DOCK9: variants seen among roughly 807,000 people sequenced by gnomAD.
The protein encoded by DOCK9 is dedicator of cytokinesis protein 9.
A neutral mutation model predicts 263.3 loss-of-function variants in DOCK9; 89 were observed. The ratio of observed to expected loss-of-function variants is 0.34; its 90% confidence interval spans 0.28 to 0.40. The LOEUF (loss-of-function observed/expected upper bound fraction) is 0.40, where lower values mean the gene tolerates loss of function less well. Among genes scored for constraint, DOCK9 ranks in the 10% least tolerant of loss-of-function variants. The pLI, the probability that DOCK9 is intolerant of heterozygous loss-of-function variation, is 1.00. For missense variants in DOCK9, 2,140 were observed against 2,603.4 expected, an observed-to-expected ratio of 0.82 and a Z score of 3.87; for synonymous variants, 976 against 973.1, an observed-to-expected ratio of 1.00 and a Z score of -0.06.
chr13:99,045,755 C>T (rs1400580613), intron 1 of DOCK9, among the ~76,000 whole-genome samples: 2 of 151,774 alleles, frequency 1.3e-5, no homozygotes, highest in Non-Finnish European at 2.9e-5. Flanking sequence ...AAAGAGATGC[C>T]TCACCAGCTT....
chr13:98,898,833 A>G (rs2047823348), intron 13 of DOCK9, among the ~76,000 whole-genome samples: 1 of 152,148 alleles, frequency 6.6e-6, no homozygotes, highest in Admixed American at 6.5e-5. Context: ...CTAATGATCA[A>G]TTTTGGTTTG....
At chr13:99,079,964 CG>C (rs2042063280) in intron 1 of DOCK9, among the ~76,000 whole-genome samples, 1 of 152,092 alleles carries the variant, frequency 6.6e-6, no homozygotes, top group Non-Finnish European at 1.5e-5. Context: ...CACTTGAGCC[CG>C]GAAGGCAGAG....
chr13:99,059,852 C>T (rs183576454), intron 1 of DOCK9, among the ~76,000 whole-genome samples: 129 of 152,290 alleles, frequency 8.5e-4, no homozygotes, highest in South Asian at 1.2e-3. Context: ...CACTCATCTA[C>T]TTTCTGTCTC....
chr13:98,923,154 A>G (rs959379373), intron 5 of DOCK9, 148 bp downstream of exon 5: 3 of 696,006 alleles, frequency 4.3e-6, no homozygotes, highest in African/African-American at 3.6e-5. Flanking sequence ...AATCAATAAC[A>G]TTTTTAAAAA....
At chr13:98,978,954 T>G (rs1185054500), upstream of DOCK9, among the ~76,000 whole-genome samples, 1 of 152,144 alleles carries the variant, frequency 6.6e-6, no homozygotes, top group African/African-American at 2.4e-5. Flanking sequence ...TTTTACCTCT[T>G]GGGAAAAATT....
intron 1 of DOCK9, among the ~76,000 whole-genome samples, chr13:99,008,225 TATA>T (rs1883756230): frequency 8.2e-6 from 1 of 122,266 alleles, no homozygotes; most frequent in South Asian, 3.1e-4. Flanking sequence ...TATATATATA[TATA>T]TATATATTTT....
At chr13:98,863,303 C>T in intron 31 of DOCK9, 67 bp downstream of exon 31, 5 of 1,564,126 alleles carry the variant, frequency 3.2e-6, no homozygotes, top group East Asian at 2.3e-5. Context: ...TAACTGATTA[C>T]TTTCTTTACA....
chr13:98,905,428 C>T (rs1393192337), intron 9 of DOCK9, among the ~76,000 whole-genome samples: 1 of 152,034 alleles, frequency 6.6e-6, no homozygotes, highest in East Asian at 1.9e-4. Context: ...GGGTGGTCGT[C>T]AGAAACCACC....
intron 1 of DOCK9, among the ~76,000 whole-genome samples, chr13:98,964,094 G>C (rs2058957438): frequency 6.6e-6 from 1 of 152,232 alleles, no homozygotes. Context: ...CTGTGCCAGA[G>C]ACATCAAGAT....
At chr13:98,834,563 A>C (rs1353664998) in intron 39 of DOCK9, 1 of 152,248 alleles carries the variant, frequency 6.6e-6, no homozygotes, top group Non-Finnish European at 1.5e-5. Flanking sequence ...AGAGGCACTA[A>C]AAATGGAACT....
At chr13:98,953,387 G>T (rs181213943) in intron 2 of DOCK9, among the ~76,000 whole-genome samples, 2 of 152,332 alleles carry the variant, frequency 1.3e-5, no homozygotes, top group East Asian at 1.9e-4. Context: ...GGACACAGAA[G>T]TTTTCTCAAA....
intron 45 of DOCK9, among the ~76,000 whole-genome samples, chr13:98,817,224 T>C (rs1477412229): frequency 1.3e-5 from 2 of 152,174 alleles, no homozygotes; most frequent in African/African-American, 2.4e-5. Flanking sequence ...ACTGATAGAC[T>C]AAGATTGGGG....
chr13:98,881,878 T>C lies in DOCK9; in HGVS notation c.2675+14A>G. The C allele has an allele frequency of 6.4e-7, 1 of 1,552,824 alleles. No individual in the cohort carries two copies. The highest frequency in any genetic ancestry group is 2.4e-5 in the East Asian group (1 of 41,704). On this transcript the variant is annotated intron_variant, in intron 24 of 52. Coordinates refer to ENST00000682017, the MANE Select transcript of DOCK9 (RefSeq NM_001366683.2). ...GACTAGAAGTGAGGAAGAGCATCCATCCACCTCCCTTACCGAGTCACGTTA... is the reference window on the plus strand; with the variant it reads ...GACTAGAAGTGAGGAAGAGCATCCACCCACCTCCCTTACCGAGTCACGTTA...
chr13:99,070,085 C>G (rs1391346195), intron 1 of DOCK9, among the ~76,000 whole-genome samples: 1 of 152,208 alleles, frequency 6.6e-6, no homozygotes, highest in African/African-American at 2.4e-5. Flanking sequence ...GGGCATCCCG[C>G]CTCTATGAGC....
intron 15 of DOCK9, among the ~76,000 whole-genome samples, chr13:98,893,187 G>A (rs1312388960): frequency 3.9e-5 from 6 of 152,186 alleles, no homozygotes; most frequent in Non-Finnish European, 7.3e-5. Context: ...TGTAACCAGA[G>A]CGAAATCGGG....
intron 2 of DOCK9, among the ~76,000 whole-genome samples, chr13:98,938,744 A>C (rs776288554): frequency 2.0e-5 from 3 of 152,224 alleles, no homozygotes; most frequent in African/African-American, 7.2e-5. Flanking sequence ...ATGGGCTTAA[A>C]CTATGACAAA....
At chr13:98,960,904 C>T (rs2058559542) in intron 1 of DOCK9, among the ~76,000 whole-genome samples, 1 of 152,210 alleles carries the variant, frequency 6.6e-6, no homozygotes, top group Non-Finnish European at 1.5e-5. Context: ...CTCAAGGTTA[C>T]AGACCCCTTT....
chr13:99,043,332 G>A (rs939978128), intron 1 of DOCK9, among the ~76,000 whole-genome samples: 2 of 152,190 alleles, frequency 1.3e-5, no homozygotes, highest in South Asian at 4.1e-4. Flanking sequence ...CCTGAAGACA[G>A]CCCACTCTCA....
In DOCK9 at chr13:98,909,858, T is replaced by C. The variant is rs1025118523; in HGVS notation, c.960+4470A>G. 3.9e-5 allele frequency among the ~76,000 whole-genome samples: 6 copies of C among 152,330 alleles called. No individual in the cohort carries two copies. In the South Asian group the frequency reaches 1.0e-3, roughly 26 times the overall value. ...GCCCTTGATCCTCACTCCATCTCCA[T>C]GAGACTATAAAGTCTGAGACATCAT... On this transcript the variant is annotated intron_variant, in intron 9 of 52. Coordinates refer to ENST00000682017, the MANE Select transcript of DOCK9 (RefSeq NM_001366683.2).
Sources: gnomAD v4.1 joint callset for allele counts (sites outside exome capture counted in the v4.1 genomes callset) on GRCh38, gnomAD v4.1.1 for gene constraint, MANE v1.5 for transcripts, NCBI Gene and HGNC (gene_info 2026-07-23, HGNC 2026-07-21) for gene names.